The following EGFLAM variants were observed in gnomAD, a reference collection of about 807,000 sequenced individuals.
EGFLAM encodes the protein pikachurin.
EGFLAM carries 79 observed loss-of-function variants against 113.1 expected under a neutral mutation model. The observed-to-expected ratio is 0.70, with a 90% CI of 0.58 to 0.84. The LOEUF is 0.84. Ranked by LOEUF, EGFLAM falls within the 40% of genes least tolerant of loss-of-function variation. EGFLAM has a pLI of 0.00. For missense variants in EGFLAM, 1,265 were observed against 1,291.6 expected (o/e 0.98, Z 0.32); for synonymous variants, 504 against 487.6 (o/e 1.03, Z -0.44).
At chr5:38,312,598 G>A (rs1738485908) in intron 1 of EGFLAM, among the ~76,000 whole-genome samples, 1 of 152,036 alleles carries the variant, frequency 6.6e-6, no homozygotes. Flanking sequence ...ATAAATATAT[G>A]GGATCAGTTA....
Position 38,412,557 on chromosome 5 carries a change from T to C in EGFLAM, c.1403T>C (p.Leu468Pro). 1 of 1,614,082 alleles carries C rather than the reference T, an allele frequency of 6.2e-7. No individual in the cohort carries two copies. Among genetic ancestry groups the C allele is most frequent in the Middle Eastern group, 1.6e-4 (1 of 6,062 alleles). ...AIIVSETKIK[L>P]GGWHTVMLYR... ...ATCGTAAGTGAGACCAAAATCAAAC[T>C]AGGGGGTTGGCACACGGTTATGCTC... is the stretch of plus-strand genomic sequence containing the variant. The change falls in exon 11 of 22, where the codon CTA (leucine) becomes CCA (proline). Residue 468 changes from leucine to proline, a missense_variant. Transcript: ENST00000322350.
intron 1 of EGFLAM, among the ~76,000 whole-genome samples, chr5:38,274,264 C>T (rs1291074421): frequency 6.6e-6 from 1 of 152,026 alleles, no homozygotes; most frequent in Non-Finnish European, 1.5e-5. Context: ...AGATGAAAAA[C>T]AAAGGGGTAG....
At chr5:38,367,495 C>A (rs1257517256) in intron 5 of EGFLAM, among the ~76,000 whole-genome samples, 1 of 151,928 alleles carries the variant, frequency 6.6e-6, no homozygotes, top group African/African-American at 2.4e-5. Context: ...AAGCTATCCT[C>A]CCACCTCGGC....
chr5:38,382,709 GA>G (rs1429183789), intron 6 of EGFLAM, among the ~76,000 whole-genome samples: 1 of 152,028 alleles, frequency 6.6e-6, no homozygotes, highest in East Asian at 1.9e-4. Context: ...TTTTCAAAAG[GA>G]AAAATAAGTC....
chr5:38,278,112 G>A (rs1380383393), intron 1 of EGFLAM, among the ~76,000 whole-genome samples: 1 of 152,086 alleles, frequency 6.6e-6, no homozygotes, highest in East Asian at 1.9e-4. Context: ...AACAAAGCTG[G>A]AGGCATCATG....
chr5:38,326,120 C>T (rs757200059), intron 1 of EGFLAM, among the ~76,000 whole-genome samples: 2 of 152,128 alleles, frequency 1.3e-5, no homozygotes, highest in Non-Finnish European at 2.9e-5. Flanking sequence ...AGGGCTAGAG[C>T]CCTGGTCTTG....
chr5:38,270,734 C>T (rs537610640), intron 1 of EGFLAM, among the ~76,000 whole-genome samples: 1 of 152,170 alleles, frequency 6.6e-6, no homozygotes, highest in Admixed American at 6.5e-5. Flanking sequence ...ATACCTACTA[C>T]AAAGGTTTTG....
chr5:38,325,362 C>T (rs1001281476), intron 1 of EGFLAM, among the ~76,000 whole-genome samples: 1 of 152,210 alleles, frequency 6.6e-6, no homozygotes, highest in Non-Finnish European at 1.5e-5. Context: ...CTACTGGTCC[C>T]TTCAGTCCCC....
In EGFLAM at chr5:38,279,108, GA is replaced by G. The variant is rs555056327; in HGVS notation, c.97+20263del. ...ACATACAAATGGCCAACAGGAATAT[GA>G]AAAAATGCTCAATAATATCACTAAT... On this transcript the variant is annotated intron_variant, in intron 1 of 21. Transcript: ENST00000322350. 6.1e-4 allele frequency among the ~76,000 whole-genome samples: 93 copies of G among 152,132 alleles called. 1 individual carries two copies. The South Asian group carries it at 0.019, about 31-fold the overall frequency.
At chr5:38,434,011 A>C (rs1394354473) in intron 15 of EGFLAM, among the ~76,000 whole-genome samples, 2 of 152,024 alleles carry the variant, frequency 1.3e-5, no homozygotes, top group East Asian at 3.9e-4. Context: ...TGTCTTCTCT[A>C]CCCTTGACAT....
chr5:38,376,626 T>G (rs1740371664), intron 6 of EGFLAM, among the ~76,000 whole-genome samples: 1 of 152,200 alleles, frequency 6.6e-6, no homozygotes, highest in Non-Finnish European at 1.5e-5. Flanking sequence ...CTTTCTATGA[T>G]CATGCCACCA....
chr5:38,313,828 C>G (rs753071314), intron 1 of EGFLAM, among the ~76,000 whole-genome samples: 1 of 152,030 alleles, frequency 6.6e-6, no homozygotes, highest in Non-Finnish European at 1.5e-5. Context: ...TCTATGTAAG[C>G]GTTTTGTCCA....
chr5:38,330,295 C>T (rs1418125601), intron 1 of EGFLAM, among the ~76,000 whole-genome samples: 1 of 152,122 alleles, frequency 6.6e-6, no homozygotes, highest in Non-Finnish European at 1.5e-5. Context: ...GAGGTGGAGG[C>T]CATTTTCCTG....
chr5:38,403,647 C>A, intron 6 of EGFLAM: 3 of 861,594 alleles, frequency 3.5e-6, no homozygotes, highest in South Asian at 1.8e-5. Flanking sequence ...GGGCAGTGTG[C>A]TATTTCATCG....
chr5:38,381,282 G>A (rs142403103), intron 6 of EGFLAM, among the ~76,000 whole-genome samples: 227 of 152,116 alleles, frequency 1.5e-3, no homozygotes, highest in Non-Finnish European at 2.6e-3. Flanking sequence ...TTCTTGAATC[G>A]TTTCAGTTCT....
intron 1 of EGFLAM, among the ~76,000 whole-genome samples, chr5:38,336,233 G>A (rs2111941349): frequency 6.6e-6 from 1 of 152,180 alleles, no homozygotes; most frequent in East Asian, 1.9e-4. Flanking sequence ...TTATTAACAT[G>A]TATGTATATA....
intron 2 of EGFLAM, 74 bp from the exon 3 acceptor site, chr5:38,338,624 T>A: frequency 1.4e-6 from 2 of 1,390,632 alleles, no homozygotes; most frequent in South Asian, 2.3e-5. Context: ...GCTGCCACTG[T>A]GAGTGCAATT....
chr5:38,271,063 C>T (rs996779263), intron 1 of EGFLAM, among the ~76,000 whole-genome samples: 1 of 151,910 alleles, frequency 6.6e-6, no homozygotes, highest in Admixed American at 6.6e-5. Flanking sequence ...TTATATTAGT[C>T]ATAAAGTTAT....
At chr5:38,463,444 C>T (rs113853319) in intron 21 of EGFLAM, among the ~76,000 whole-genome samples, 14 of 152,142 alleles carry the variant, frequency 9.2e-5, no homozygotes, top group East Asian at 3.9e-4. Flanking sequence ...TGAAAGCATT[C>T]GACATCAGTG....
Sources: allele counts gnomAD v4.1 joint callset (sites outside exome capture counted in the v4.1 genomes callset), GRCh38; gene constraint gnomAD v4.1.1; transcripts MANE v1.5; gene names NCBI Gene and HGNC (gene_info 2026-07-23, HGNC 2026-07-21).